Variants in PITPNA observed in about 807,000 individuals in gnomAD.
The protein encoded by PITPNA is phosphatidylinositol transfer protein alpha isoform.
Under a neutral mutation model 50.3 loss-of-function variants are expected in PITPNA, and 13 were observed. That is an observed-to-expected ratio of 0.26 (90% CI 0.17 to 0.41). The LOEUF is 0.41. PITPNA is among the 10% of genes least tolerant of loss of function. The probability of loss-of-function intolerance (pLI) is 1.00; values close to 1 mark genes in which losing one functional copy is unlikely to be tolerated. For synonymous variants in PITPNA, 120 were observed against 119.6 expected (o/e 1.00, Z -0.02); for missense variants, 207 against 333.4 (o/e 0.62, Z 2.95).
At chr17:1,523,730 CA>C (rs1404743085) in intron 10 of PITPNA, among the ~76,000 whole-genome samples, 3 of 151,954 alleles carry the variant, frequency 2.0e-5, no homozygotes, top group Non-Finnish European at 4.4e-5. Flanking sequence ...AGGATGATCT[CA>C]ATCTCCTAAC....
chr17:1,521,811 C>T (rs992847821), intron 10 of PITPNA, among the ~76,000 whole-genome samples, 166 bp from the exon 11 acceptor site: 1 of 151,084 alleles, frequency 6.6e-6, no homozygotes, highest in Non-Finnish European at 1.5e-5. Context: ...ATTTCCAGAT[C>T]TGTGTCACTG....
At chr17:1,534,288 A>G (rs2075602097) in intron 9 of PITPNA, 67 bp from the exon 10 acceptor site, 2 of 1,599,614 alleles carry the variant, frequency 1.3e-6, no homozygotes, top group East Asian at 2.2e-5. Context: ...CCTTCTCTCC[A>G]TGCACTCCAC....
At chr17:1,554,440 C>T (rs1403702358) in intron 2 of PITPNA, among the ~76,000 whole-genome samples, 4 of 128,778 alleles carry the variant, frequency 3.1e-5, no homozygotes, top group Admixed American at 2.8e-4. Flanking sequence ...CACAGTGGTG[C>T]GATCTCAGGT....
At chr17:1,559,093 CCAA>C (rs1244246543) in intron 1 of PITPNA, among the ~76,000 whole-genome samples, 1 of 152,036 alleles carries the variant, frequency 6.6e-6, no homozygotes, top group East Asian at 1.9e-4. Flanking sequence ...ACCCAACCTC[CCAA>C]CAACAGCCCT....
intron 2 of PITPNA, among the ~76,000 whole-genome samples, chr17:1,554,267 G>A (rs77335900): frequency 0.032 from 4,845 of 152,112 alleles, 126 homozygotes; most frequent in South Asian, 0.079. Flanking sequence ...TAGGGAGTAT[G>A]AGAAAAAGGA....
chr17:1,543,939 G>A (rs1436673530), intron 4 of PITPNA, among the ~76,000 whole-genome samples: 1 of 152,136 alleles, frequency 6.6e-6, no homozygotes, highest in Non-Finnish European at 1.5e-5. Context: ...GGAAATCATG[G>A]GTATAGTATC....
At chr17:1,534,759 G>A (rs2075604534) in intron 9 of PITPNA, among the ~76,000 whole-genome samples, 1 of 152,238 alleles carries the variant, frequency 6.6e-6, no homozygotes, top group African/African-American at 2.4e-5. Flanking sequence ...CTGTAGGTCA[G>A]TCATAGCAAG....
At position 1,558,631 on chromosome 17, in the gene PITPNA, C is replaced by T. The variant is rs373377137; in HGVS notation, c.21-72G>A. ...GCTCAAGGCTCTTTAAAGCATCATC[C>T]TAAAACAGTCAGCAGCATTCTATTG... On this transcript the variant is annotated intron_variant, in intron 1 of 11. Transcript: ENST00000313486. The T allele has an allele frequency of 3.0e-4, 315 of 1,043,770 alleles. 2 individuals are homozygous for T. Among genetic ancestry groups the T allele is most frequent in the Non-Finnish European group, 3.6e-4 (244 of 675,274 alleles). 64.7% of individuals were successfully genotyped at this position (1,043,770 alleles called of 1,614,324 possible). A position where few individuals can be genotyped will look rare whatever the true frequency, so the allele number is the denominator to read the frequency against.
In PITPNA at chr17:1,521,063, ACCCT is replaced by A. The variant is rs1199326811; in HGVS notation, c.*22+512_*22+515del. Among the ~76,000 whole-genome samples the A allele has an allele frequency of 2.0e-5, 3 of 151,982 alleles. 1 individual carries two copies. Among genetic ancestry groups the A allele is most frequent in the Non-Finnish European group, 4.4e-5 (3 of 67,970 alleles). The stretch of plus-strand genomic sequence containing the variant: ...CTGGCCCTGTGACCTGGGCAGAAAC[ACCCT>A]CCCAGCATCTGAAAGATGCCACCTC... On this transcript the variant is annotated intron_variant, in intron 11 of 11. Coordinates refer to ENST00000313486, the MANE Select transcript of PITPNA (RefSeq NM_006224.4).
intron 6 of PITPNA, among the ~76,000 whole-genome samples, chr17:1,540,319 G>C (rs1384555096): frequency 6.6e-6 from 1 of 152,144 alleles, no homozygotes; most frequent in Non-Finnish European, 1.5e-5. Flanking sequence ...ACAATATAGA[G>C]TAACTAGAGT....
chr17:1,551,884 C>T (rs1445398931), intron 3 of PITPNA, among the ~76,000 whole-genome samples: 1 of 134,640 alleles, frequency 7.4e-6, no homozygotes, highest in Non-Finnish European at 1.6e-5. Context: ...GACTGGGTGA[C>T]GGTGAGGAGA....
intron 10 of PITPNA, among the ~76,000 whole-genome samples, chr17:1,528,617 G>T (rs140761136): frequency 6.6e-6 from 1 of 151,996 alleles, no homozygotes; most frequent in Non-Finnish European, 1.5e-5. Context: ...GGGACCTGAA[G>T]TCCTAGCTAC....
At chr17:1,540,893 T>C (rs1185447475) in intron 6 of PITPNA, among the ~76,000 whole-genome samples, 1 of 152,100 alleles carries the variant, frequency 6.6e-6, no homozygotes, top group Non-Finnish European at 1.5e-5. Flanking sequence ...TCTAACGGGC[T>C]CTTATGTTGT....
chr17:1,526,237 G>A (rs1366110542), intron 10 of PITPNA, among the ~76,000 whole-genome samples: 2 of 152,194 alleles, frequency 1.3e-5, no homozygotes, highest in African/African-American at 2.4e-5. Context: ...AAACATCAAC[G>A]AATCCACATT....
intron 10 of PITPNA, among the ~76,000 whole-genome samples, chr17:1,524,344 T>G (rs2075534421): frequency 1.1e-5 from 1 of 87,108 alleles, no homozygotes; most frequent in African/African-American, 6.3e-5. Flanking sequence ...GCACCTGGCC[T>G]TTTTTTTTTT....
At chr17:1,554,246 G>A (rs1332461068) in intron 2 of PITPNA, among the ~76,000 whole-genome samples, 2 of 152,082 alleles carry the variant, frequency 1.3e-5, no homozygotes, top group Admixed American at 1.3e-4. Flanking sequence ...TGCTAATCAG[G>A]CATGGCTGCT....
chr17:1,555,932 T>C (rs973638189), intron 2 of PITPNA, among the ~76,000 whole-genome samples: 21 of 152,196 alleles, frequency 1.4e-4, no homozygotes, highest in Non-Finnish European at 4.4e-5. Context: ...CCCAAAATAT[T>C]GATGCAGGCC....
intron 1 of PITPNA, chr17:1,559,732 A>G (rs2075758877): frequency 8.1e-6 from 8 of 981,892 alleles, no homozygotes; most frequent in Admixed American, 1.2e-4. Context: ...AGAAGGACAC[A>G]GAGGGGTCTG....
chr17:1,558,092 G>A (rs188465260), intron 2 of PITPNA, among the ~76,000 whole-genome samples: 51 of 152,238 alleles, frequency 3.4e-4, no homozygotes, highest in African/African-American at 1.2e-3. Context: ...TTAGCCGGGT[G>A]TGGTGGCACA....
Sources: gnomAD v4.1 joint callset for allele counts (sites outside exome capture counted in the v4.1 genomes callset) on GRCh38, gnomAD v4.1.1 for gene constraint, MANE v1.5 for transcripts, NCBI Gene and HGNC (gene_info 2026-07-23, HGNC 2026-07-21) for gene names.